The following EPS15L1 variants were observed in gnomAD, a reference collection of about 807,000 sequenced individuals.
EPS15L1 encodes the protein epidermal growth factor receptor pathway substrate 15 like 1.
A neutral mutation model predicts 117.1 loss-of-function variants in EPS15L1; 43 were observed. The ratio of observed to expected loss-of-function variants is 0.37; its 90% CI spans 0.29 to 0.47. EPS15L1 has a LOEUF of 0.47. EPS15L1 is among the 20% of genes least tolerant of loss of function. The pLI is 0.99. For synonymous variants in EPS15L1, 459 were observed against 470.5 expected (o/e 0.98, Z 0.32); for missense variants, 981 against 1,164.0 (o/e 0.84, Z 2.29).
At chr19:16,459,298 C>T (rs1239958074) in intron 1 of EPS15L1, among the ~76,000 whole-genome samples, 1 of 152,184 alleles carries the variant, frequency 6.6e-6, no homozygotes, top group Non-Finnish European at 1.5e-5. Context: ...CTCCACACTC[C>T]CATAGCCCCA....
intron 9 of EPS15L1, among the ~76,000 whole-genome samples, chr19:16,422,973 G>GC (rs1555756429): frequency 2.0e-5 from 3 of 150,636 alleles, no homozygotes; most frequent in Non-Finnish European, 4.4e-5. Flanking sequence ...AAAAAAAAGG[G>GC]GGGGGGGATT....
intron 13 of EPS15L1, among the ~76,000 whole-genome samples, chr19:16,411,219 A>G (rs1179091284): frequency 6.6e-6 from 1 of 152,232 alleles, no homozygotes; most frequent in Non-Finnish European, 1.5e-5. Flanking sequence ...GGAACAGATG[A>G]AGGAAATGTG....
intron 10 of EPS15L1, 72 bp from the exon 11 acceptor site, chr19:16,418,176 CT>C: frequency 1.3e-6 from 2 of 1,512,190 alleles, no homozygotes; most frequent in East Asian, 4.6e-5. Flanking sequence ...TCACCGATCC[CT>C]TGCTTTTCAA....
In EPS15L1 at chr19:16,417,954, G is replaced by T. The variant is rs200865144; in HGVS notation, c.1101C>A (p.Pro367=). 6 of 1,613,078 alleles carry T rather than the reference G, an allele frequency of 3.7e-6. No homozygotes were observed. The highest frequency in any genetic ancestry group is 5.1e-6 in the Non-Finnish European group (6 of 1,179,604). Residue 367 remains proline, a synonymous_variant, in exon 11 of 24, where the codon CCC becomes CCA. Coordinates refer to ENST00000455140, the MANE Select transcript of EPS15L1 (RefSeq NM_001258374.3). The part of the protein sequence containing the change: ...DMVPPSERGT[P]GPDSSGSLGS... ...CATGACCAGCACCACTCACCGGGCC[G>T]GGCGTGCCTCTCTCCGAAGGCGGGA...
At chr19:16,377,056 G>A (rs2092305180) in intron 22 of EPS15L1, 66 bp downstream of exon 22, 2 of 1,525,878 alleles carry the variant, frequency 1.3e-6, no homozygotes, top group Admixed American at 2.2e-5. Flanking sequence ...GGTGAGCAGG[G>A]AGGCCCTGGT....
intron 13 of EPS15L1, among the ~76,000 whole-genome samples, chr19:16,412,213 T>C (rs911743557): frequency 2.6e-5 from 4 of 152,154 alleles, no homozygotes; most frequent in Admixed American, 1.3e-4. Flanking sequence ...CCACCGTCTA[T>C]GGTTATAAGC....
intron 11 of EPS15L1, 31 bp from the exon 12 acceptor site, chr19:16,417,668 A>G: frequency 6.3e-7 from 1 of 1,585,034 alleles, no homozygotes; most frequent in Non-Finnish European, 8.7e-7. Context: ...GAGATCTCTA[A>G]TTAGCAACCT....
chr19:16,400,606 T>C, intron 16 of EPS15L1: 1 of 978,156 alleles, frequency 1.0e-6, no homozygotes, highest in Non-Finnish European at 1.2e-6. Flanking sequence ...CAAGTATTTA[T>C]TAAGAAATAG....
Position 16,413,842 on chromosome 19 carries a change from C to G in EPS15L1, c.1197G>C (p.Glu399Asp), listed in dbSNP as rs1042207491. 2 of 1,610,960 alleles carry G rather than the reference C, an allele frequency of 1.2e-6. No individual in the cohort carries two copies. The highest frequency in any genetic ancestry group is 1.7e-5 in the Admixed American group (1 of 60,002). ...GAATGTCTTGTTCCAGTGAATATTT[C>G]TCTCTGAATGTTTAAAAATATTTCA... ...ISQEIAQLQR[E>D]KYSLEQDIRE... is the part of the protein sequence containing the mutation. The change falls in exon 13 of 24, where the codon GAG becomes GAC. Residue 399 changes from glutamate (E) to aspartate (D), a missense_variant. Around this residue, in one of 5 missense-constraint regions of EPS15L1, gnomAD observed 819 missense variants for 949.0 expected, o/e 0.86. Coordinates refer to ENST00000455140, the MANE Select transcript of EPS15L1 (RefSeq NM_001258374.3).
At chr19:16,400,632 A>C in intron 16 of EPS15L1, 2 of 985,228 alleles carry the variant, frequency 2.0e-6, no homozygotes. Context: ...AGCCAGAAAA[A>C]TGCTTTAAAA....
chr19:16,453,058 C>T (rs2093161695), intron 1 of EPS15L1, among the ~76,000 whole-genome samples: 1 of 151,886 alleles, frequency 6.6e-6, no homozygotes, highest in African/African-American at 2.4e-5. Flanking sequence ...CCTCGGTCTC[C>T]CAAAGTGCTG....
Position 16,370,242 on chromosome 19 carries a change from T to C in EPS15L1, c.2380+6880A>G, listed in dbSNP as rs558152578. Among the ~76,000 whole-genome samples the C allele has an allele frequency of 1.3e-5, 2 of 152,176 alleles. No homozygotes were observed. The highest frequency in any genetic ancestry group is 4.1e-4 in the South Asian group (2 of 4,826). On this transcript the variant is annotated intron_variant, in intron 22 of 23. Transcript: ENST00000455140. The surrounding 1 kb of genome is among the most constrained non-coding windows in gnomAD (Gnocchi z 5.2). ...GCATGTGATATTTTGCAGTTAGCAG[T>C]GGCAGGCAAGGGGCGCGCTGACTCA...
rs1049451612 is a variant in EPS15L1, at chr19:16,401,708, G to A, written c.1791+613C>T. On this transcript the variant is annotated intron_variant, in intron 16 of 23. Transcript: ENST00000455140. ...AGAGCTCTCAAAAATGTAAGGGGCC[G>A]ACAGTCCCCTGCCCCAGGCCTGATC... 66 of 985,306 alleles carry A rather than the reference G, an allele frequency of 6.7e-5. No homozygotes were observed. In the Middle Eastern group the frequency reaches 2.6e-3, roughly 39 times the overall value. 61.0% of individuals were successfully genotyped at this position (985,306 alleles called of 1,614,324 possible).
intron 12 of EPS15L1, 34 bp downstream of exon 12, chr19:16,417,518 C>T: frequency 6.4e-7 from 1 of 1,557,768 alleles, no homozygotes; most frequent in Non-Finnish European, 8.9e-7. Flanking sequence ...CGTGTAACAT[C>T]TGGATGTGGA....
intron 22 of EPS15L1, among the ~76,000 whole-genome samples, chr19:16,372,030 C>A (rs1343974944): frequency 1.3e-5 from 2 of 152,216 alleles, no homozygotes; most frequent in Non-Finnish European, 2.9e-5. Context: ...CCTTGATACA[C>A]CTTTCTTGAA....
intron 1 of EPS15L1, among the ~76,000 whole-genome samples, chr19:16,470,900 A>G (rs1383767910): frequency 2.0e-5 from 3 of 152,208 alleles, no homozygotes; most frequent in African/African-American, 7.2e-5. Flanking sequence ...TAATTTTCAC[A>G]TAATCCCAAC....
chr19:16,375,360 G>C (rs560098068), intron 22 of EPS15L1, among the ~76,000 whole-genome samples: 2 of 152,108 alleles, frequency 1.3e-5, no homozygotes, highest in East Asian at 3.9e-4. Context: ...GCATGCAAGA[G>C]CATACACGTG....
intron 12 of EPS15L1, among the ~76,000 whole-genome samples, chr19:16,416,424 T>A (rs2092758308): frequency 6.6e-6 from 1 of 152,074 alleles, no homozygotes; most frequent in Non-Finnish European, 1.5e-5. Flanking sequence ...TCACTTGAGC[T>A]CAGGAGTTCG....
At chr19:16,452,109 A>G (rs899989774) in intron 1 of EPS15L1, among the ~76,000 whole-genome samples, 4 of 151,570 alleles carry the variant, frequency 2.6e-5, no homozygotes, top group Non-Finnish European at 4.4e-5. Flanking sequence ...ACTGCACTCC[A>G]GCCTGGGCTA....
Sources: allele counts gnomAD v4.1 joint callset (sites outside exome capture counted in the v4.1 genomes callset), GRCh38; gene constraint gnomAD v4.1.1; regional missense constraint gnomAD v4.1.1; non-coding constraint Gnocchi (gnomAD v3.1); transcripts MANE v1.5; gene names NCBI Gene and HGNC (gene_info 2026-07-23, HGNC 2026-07-21).